TBC1D2B: variants seen among roughly 807,000 people sequenced by gnomAD.
TBC1D2B encodes the protein TBC1 domain family, member 2B.
TBC1D2B carries 64 observed loss-of-function variants against 100.8 expected under a neutral mutation model. The ratio of observed to expected loss-of-function variants is 0.64; its 90% confidence interval spans 0.52 to 0.78. The LOEUF (loss-of-function observed/expected upper bound fraction) is 0.78, where lower values mean the gene tolerates loss of function less well. Among genes scored for constraint, TBC1D2B ranks in the 30% least tolerant of loss-of-function variants. The pLI is 0.00. For missense variants in TBC1D2B, 1,052 were observed against 1,218.4 expected (o/e 0.86, Z 2.03); for synonymous variants, 480 against 479.7 (o/e 1.00, Z -0.01).
At chr15:78,051,033 C>A (rs923966619) in intron 2 of TBC1D2B, among the ~76,000 whole-genome samples, 1 of 152,118 alleles carries the variant, frequency 6.6e-6, no homozygotes, top group Non-Finnish European at 1.5e-5. Flanking sequence ...TAAGTGCCAC[C>A]CCCAGGGGCA....
In TBC1D2B at chr15:77,998,300, G is replaced by A. The variant is rs781005982; in HGVS notation, c.2752C>T (p.Arg918Trp). Residue 918 changes from arginine (R) to tryptophan (W), a missense_variant, in exon 13 of 13, where the codon CGG becomes TGG. Transcript: ENST00000300584. Reference protein sequence around the residue: ...DLNPFPLRQIRNRRAYHLEKV... With the variant: ...DLNPFPLRQIWNRRAYHLEKV... ...TCCAAGTGGTAGGCGCGTCGGTTCC[G>A]GATCTGGCGTAGGGGGAAAGGGTTC... is the stretch of plus-strand genomic sequence containing the variant. The A allele has an allele frequency of 2.9e-5, 46 of 1,604,320 alleles. No homozygotes were observed. The highest frequency in any genetic ancestry group is 3.4e-5 in the Non-Finnish European group (40 of 1,176,070).
At chr15:78,055,959 A>C (rs2073413868) in intron 1 of TBC1D2B, among the ~76,000 whole-genome samples, 1 of 152,170 alleles carries the variant, frequency 6.6e-6, no homozygotes, top group African/African-American at 2.4e-5. Flanking sequence ...CAAAGAGGGG[A>C]GGTGCAGCAA....
chr15:78,014,949 C>G (rs1465693005), intron 8 of TBC1D2B, among the ~76,000 whole-genome samples: 1 of 152,174 alleles, frequency 6.6e-6, no homozygotes, highest in Non-Finnish European at 1.5e-5. Context: ...CACCGGTAAT[C>G]CCAGCACTTT....
intron 1 of TBC1D2B, among the ~76,000 whole-genome samples, chr15:78,056,130 GA>G (rs2141812655): frequency 6.6e-6 from 1 of 152,344 alleles, no homozygotes; most frequent in South Asian, 2.1e-4. Flanking sequence ...AGTATTTACT[GA>G]ATACATATAT....
At chr15:78,060,393 T>C (rs1349976553) in intron 1 of TBC1D2B, among the ~76,000 whole-genome samples, 1 of 151,918 alleles carries the variant, frequency 6.6e-6, no homozygotes, top group Non-Finnish European at 1.5e-5. Flanking sequence ...ATCTTAGCCC[T>C]TTGGGAGGCC....
chr15:78,011,390 T>C (rs1173211024), intron 9 of TBC1D2B, among the ~76,000 whole-genome samples: 1 of 151,980 alleles, frequency 6.6e-6, no homozygotes, highest in African/African-American at 2.4e-5. Flanking sequence ...ACGTCAGCAC[T>C]CAGAACTCCA....
At chr15:78,003,123 G>A in intron 11 of TBC1D2B, 182 bp downstream of exon 11, 1 of 570,984 alleles carries the variant, frequency 1.8e-6, no homozygotes, top group South Asian at 2.2e-5. Flanking sequence ...TCTGATACAT[G>A]AACAAATGAC....
chr15:78,009,501 C>T (rs2072162029), intron 9 of TBC1D2B, among the ~76,000 whole-genome samples: 1 of 151,618 alleles, frequency 6.6e-6, no homozygotes, highest in Non-Finnish European at 1.5e-5. Context: ...AATCGCACTA[C>T]TGCACTCCAG....
chr15:78,052,068 G>A (rs573907995), intron 2 of TBC1D2B, among the ~76,000 whole-genome samples: 1 of 152,256 alleles, frequency 6.6e-6, no homozygotes, highest in South Asian at 2.1e-4. Flanking sequence ...AGCAGTCTAG[G>A]CTCTCCCCCA....
Position 77,999,273 on chromosome 15 carries a change from T to G in TBC1D2B, c.2697-918A>C, listed in dbSNP as rs542712019. 34 of 455,230 alleles carry G rather than the reference T, an allele frequency of 7.5e-5. No individual in the cohort carries two copies. In the East Asian group the frequency reaches 2.2e-3, roughly 29 times the overall value. 28.2% of individuals were successfully genotyped at this position (455,230 alleles called of 1,614,324 possible). ...AACAGAAATGCCCCGAAGGACTTCCTGCCTGTCCCCATCAGAGCAGGCCAT... is the reference window on the plus strand; with the variant it reads ...AACAGAAATGCCCCGAAGGACTTCCGGCCTGTCCCCATCAGAGCAGGCCAT... On this transcript the variant is annotated intron_variant, in intron 12 of 12. Transcript: ENST00000300584.
chr15:78,031,250 T>C (rs868455566), intron 3 of TBC1D2B, among the ~76,000 whole-genome samples: 2 of 152,092 alleles, frequency 1.3e-5, no homozygotes, highest in Non-Finnish European at 2.9e-5. Flanking sequence ...TAAAGAAGAA[T>C]AGGATCAAGA....
At chr15:78,020,181 C>T (rs2072481683) in intron 6 of TBC1D2B, among the ~76,000 whole-genome samples, 1 of 152,120 alleles carries the variant, frequency 6.6e-6, no homozygotes, top group African/African-American at 2.4e-5. Context: ...TTGCACCTGG[C>T]CAAAGGTCTC....
chr15:78,026,026 T>G (rs1454505761), intron 4 of TBC1D2B, among the ~76,000 whole-genome samples: 1 of 151,632 alleles, frequency 6.6e-6, no homozygotes, highest in East Asian at 1.9e-4. Flanking sequence ...CACTGGATCC[T>G]TCCTTGGAAG....
chr15:78,025,422 A>G lies in TBC1D2B; in HGVS notation c.923T>C (p.Ile308Thr). 1.2e-6 allele frequency: 2 copies of G among 1,613,900 alleles called. No homozygotes were observed. Among genetic ancestry groups the G allele is most frequent in the Non-Finnish European group, 1.7e-6 (2 of 1,179,872 alleles). ...YKGKRPLKDI[I>T]GSYKNRHSSG... ...GCTGTGACGATTTTTGTACGACCCAATTATGTCTTTCAAAGGGCGCTTTCC... is the reference window on the plus strand; with the variant it reads ...GCTGTGACGATTTTTGTACGACCCAGTTATGTCTTTCAAAGGGCGCTTTCC... The change falls in exon 5 of 13, where the codon ATT becomes ACT. Residue 308 changes from isoleucine (I) to threonine (T), a missense_variant. Around this residue, in one of 4 missense-constraint regions of TBC1D2B, gnomAD observed 627 missense variants for 646.1 expected, o/e 0.97. Transcript: ENST00000300584.
At chr15:78,046,404 T>G (rs1250004108) in intron 2 of TBC1D2B, among the ~76,000 whole-genome samples, 1 of 152,258 alleles carries the variant, frequency 6.6e-6, no homozygotes, top group East Asian at 1.9e-4. Context: ...GATCTACACT[T>G]CTTTTTAAAA....
chr15:78,021,027 G>A (rs2072503267), intron 6 of TBC1D2B, among the ~76,000 whole-genome samples: 1 of 152,214 alleles, frequency 6.6e-6, no homozygotes, highest in African/African-American at 2.4e-5. Flanking sequence ...TTCAAAAATG[G>A]AAGAATTACG....
intron 12 of TBC1D2B, chr15:77,998,588 T>C: frequency 2.0e-6 from 1 of 493,074 alleles, no homozygotes; most frequent in South Asian, 3.0e-5. Flanking sequence ...GCCACATGCT[T>C]GCTGTGTGAC....
chr15:78,022,530 A>C (rs2072540874), intron 6 of TBC1D2B, among the ~76,000 whole-genome samples: 1 of 146,226 alleles, frequency 6.8e-6, no homozygotes, highest in Non-Finnish European at 1.5e-5. Flanking sequence ...AAAACAAACA[A>C]ACAAAAACCA....
rs1225713046 is a variant in TBC1D2B, at chr15:78,031,554, C to CAAAAA, written c.684-1389_684-1385dup. Among the ~76,000 whole-genome samples, 209 of 54,866 alleles carry CAAAAA rather than the reference C, an allele frequency of 3.8e-3. 34 individuals carry two copies. The highest frequency in any genetic ancestry group is 5.2e-3 in the Admixed American group (17 of 3,300). 36.0% of individuals were successfully genotyped at this position (54,866 alleles called of 152,430 possible). On this transcript the variant is annotated intron_variant, in intron 3 of 12. Coordinates refer to ENST00000300584, the MANE Select transcript of TBC1D2B (RefSeq NM_144572.2). The stretch of plus-strand genomic sequence containing the variant: ...GGGCGATAGAGCAAGACTCTGTCTC[C>CAAAAA]AAAAAAAAAAAAAAAAAAAAAGAGA...
Sources: gnomAD v4.1 joint callset for allele counts (sites outside exome capture counted in the v4.1 genomes callset) on GRCh38, gnomAD v4.1.1 for gene constraint, gnomAD v4.1.1 regional missense constraint, MANE v1.5 for transcripts, NCBI Gene and HGNC (gene_info 2026-07-23, HGNC 2026-07-21) for gene names.